NPSR1: variants seen among roughly 807,000 people sequenced by gnomAD.
NPSR1 encodes the protein neuropeptide S receptor 1, also known as neuropeptide S receptor.
Under a neutral mutation model 46.9 loss-of-function variants are expected in NPSR1, and 48 were observed. The observed-to-expected ratio is 1.02, with a 90% confidence interval of 0.81 to 1.30. The LOEUF is 1.30. NPSR1 is among the 50% of genes most tolerant of loss of function. NPSR1 has a pLI of 0.00. For missense variants in NPSR1, 450 were observed against 449.5 expected, an observed-to-expected ratio of 1.00 and a Z score of -0.01; for synonymous variants, 176 against 168.1, an observed-to-expected ratio of 1.05 and a Z score of -0.36.
intron 5 of NPSR1, among the ~76,000 whole-genome samples, chr7:34,831,381 GCTAT>G (rs1171976484): frequency 6.6e-6 from 1 of 150,606 alleles, no homozygotes; most frequent in Non-Finnish European, 1.5e-5. Flanking sequence ...GAAATTTCTG[GCTAT>G]CTAATGCCTA....
chr7:34,742,638 T>C (rs1010464102), intron 2 of NPSR1, among the ~76,000 whole-genome samples: 1 of 152,232 alleles, frequency 6.6e-6, no homozygotes, highest in African/African-American at 2.4e-5. Flanking sequence ...TTTGTATGCA[T>C]GTGTCTTTAT....
intron 2 of NPSR1, among the ~76,000 whole-genome samples, chr7:34,701,915 C>A (rs1793848900): frequency 6.6e-6 from 1 of 152,260 alleles, no homozygotes; most frequent in East Asian, 1.9e-4. Flanking sequence ...TTGGTCTTTT[C>A]TTTATTGAGT....
chr7:34,755,489 C>T (rs937802961), intron 2 of NPSR1, among the ~76,000 whole-genome samples: 1 of 152,180 alleles, frequency 6.6e-6, no homozygotes, highest in African/African-American at 2.4e-5. Flanking sequence ...CGTATAGTTG[C>T]AGACAGTTTA....
chr7:34,721,547 C>T (rs1385045887), intron 2 of NPSR1, among the ~76,000 whole-genome samples: 1 of 152,194 alleles, frequency 6.6e-6, no homozygotes, highest in Non-Finnish European at 1.5e-5. Flanking sequence ...ACACTTATTT[C>T]ATTCCAACTG....
chr7:34,868,862 G>T (rs10277329), intron 8 of NPSR1, among the ~76,000 whole-genome samples: 26,944 of 151,218 alleles, frequency 0.18, 2,778 homozygotes, highest in Non-Finnish European at 0.23. Context: ...AAAGAGGTGC[G>T]GCTGACCCTC....
At chr7:34,778,800 T>C (rs1047086495) in intron 3 of NPSR1, among the ~76,000 whole-genome samples, 8 of 152,190 alleles carry the variant, frequency 5.3e-5, no homozygotes, top group Non-Finnish European at 8.8e-5. Context: ...ACATAAAGCA[T>C]TCATATTTCA....
At chr7:34,699,936 C>T (rs934247414) in intron 2 of NPSR1, among the ~76,000 whole-genome samples, 4 of 152,148 alleles carry the variant, frequency 2.6e-5, no homozygotes, top group African/African-American at 9.7e-5. Flanking sequence ...TTGCTTTTAG[C>T]ACAGCCCCTC....
At position 34,818,966 on chromosome 7, in the gene NPSR1, C is replaced by G. The variant is rs190722676; in HGVS notation, c.478+7103C>G. ...TGTTAAACCTAAAACCATAAAAACCCTAGAAGAAAACCTAGGCAATACCAT... is the reference window on the plus strand; with the variant it reads ...TGTTAAACCTAAAACCATAAAAACCGTAGAAGAAAACCTAGGCAATACCAT... On this transcript the variant is annotated intron_variant, in intron 4 of 8. Transcript: ENST00000360581. Among the ~76,000 whole-genome samples the G allele has an allele frequency of 2.9e-3, 438 of 152,274 alleles. 2 individuals carry two copies. Among genetic ancestry groups the G allele is most frequent in the Non-Finnish European group, 4.6e-3 (312 of 68,022 alleles).
chr7:34,761,118 C>T (rs1317468004), intron 2 of NPSR1: 1 of 152,902 alleles, frequency 6.5e-6, no homozygotes, highest in Non-Finnish European at 1.5e-5. Context: ...TTACCTCCTG[C>T]TTCACACTGC....
chr7:34,813,302 CATA>C (rs1377001251), intron 4 of NPSR1, among the ~76,000 whole-genome samples: 6 of 152,132 alleles, frequency 3.9e-5, no homozygotes, highest in Non-Finnish European at 7.3e-5. Context: ...TTTTAATATT[CATA>C]ATATCTCTGT....
intron 3 of NPSR1, among the ~76,000 whole-genome samples, chr7:34,786,694 G>C (rs764069911): frequency 1.2e-4 from 18 of 152,132 alleles, no homozygotes; most frequent in Non-Finnish European, 2.4e-4. Flanking sequence ...AATGGATGTT[G>C]TGTTAGCAGA....
chr7:34,847,245 G>A (rs967016822), intron 7 of NPSR1, among the ~76,000 whole-genome samples: 1 of 152,180 alleles, frequency 6.6e-6, no homozygotes, highest in African/African-American at 2.4e-5. Flanking sequence ...GACAGCCAAG[G>A]AAGCCAAACT....
intron 2 of NPSR1, among the ~76,000 whole-genome samples, chr7:34,689,622 A>C (rs1203112225): frequency 6.9e-6 from 1 of 145,260 alleles, no homozygotes; most frequent in Non-Finnish European, 1.5e-5. Flanking sequence ...AAAAAAAAAA[A>C]AAAAAAAAAA....
rs933869553 is a variant in NPSR1, at chr7:34,778,487, C to T, written c.306C>T (p.Ile102=). 3 of 1,610,322 alleles carry T rather than the reference C, an allele frequency of 1.9e-6. No individual in the cohort carries two copies. In the African/African-American group the frequency reaches 4.0e-5, roughly 22 times the overall value. Reference sequence around the variant, plus strand: ...ATTCTTTCACAGGACTGGTCAACATCTTGACAGATATTAATTGGCGATTCA... The same window carrying T: ...ATTCTTTCACAGGACTGGTCAACATTTTGACAGATATTAATTGGCGATTCA... ...ITDSFTGLVN[I]LTDINWRFTG... The change falls in exon 3 of 9, where the codon ATC becomes ATT. Residue 102 remains isoleucine (I), a synonymous_variant. Coordinates refer to ENST00000360581, the MANE Select transcript of NPSR1 (RefSeq NM_207172.2).
intron 2 of NPSR1, chr7:34,750,429 G>A (rs547647953): frequency 4.3e-5 from 32 of 744,416 alleles, no homozygotes; most frequent in South Asian, 2.2e-4. Context: ...GTAGTACGAC[G>A]GGGCTCTGGT....
chr7:34,792,723 A>ATATGTATATATATATT (rs1787986173), intron 3 of NPSR1, among the ~76,000 whole-genome samples: 1 of 130,408 alleles, frequency 7.7e-6, no homozygotes, highest in African/African-American at 2.8e-5. Flanking sequence ...ATTTATATAT[A>ATATGTATATATATATT]TATATATATA....
At chr7:34,757,748 C>T (rs927938087) in intron 2 of NPSR1, among the ~76,000 whole-genome samples, 10 of 152,158 alleles carry the variant, frequency 6.6e-5, no homozygotes, top group Non-Finnish European at 1.2e-4. Flanking sequence ...TTTCTTCTGG[C>T]CATGCGACTG....
chr7:34,751,304 AG>A (rs1785510855), intron 2 of NPSR1: 9 of 984,366 alleles, frequency 9.1e-6, no homozygotes, highest in Non-Finnish European at 1.5e-5. Flanking sequence ...TGGGAGTTGC[AG>A]AAAGTGGTAC....
At chr7:34,794,099 G>A (rs994687362) in intron 3 of NPSR1, among the ~76,000 whole-genome samples, 2 of 152,018 alleles carry the variant, frequency 1.3e-5, no homozygotes, top group Non-Finnish European at 2.9e-5. Flanking sequence ...GGAGAACACT[G>A]GTCAATGAGT....
Sources: allele counts gnomAD v4.1 joint callset (sites outside exome capture counted in the v4.1 genomes callset), GRCh38; gene constraint gnomAD v4.1.1; transcripts MANE v1.5; gene names NCBI Gene and HGNC (gene_info 2026-07-23, HGNC 2026-07-21).